The following SLC12A1 variants were observed in gnomAD, a reference collection of about 807,000 sequenced individuals.
SLC12A1 encodes Na-K-2Cl cotransporter.
A neutral mutation model predicts 130.4 loss-of-function variants in SLC12A1; 89 were observed. The observed-to-expected ratio is 0.68, with a 90% CI of 0.58 to 0.81. The LOEUF (loss-of-function observed/expected upper bound fraction) is 0.81, where lower values mean the gene tolerates loss of function less well. SLC12A1 is among the 40% of genes least tolerant of loss of function. The probability of loss-of-function intolerance (pLI) is 0.00; values close to 1 mark genes in which losing one functional copy is unlikely to be tolerated. For missense variants in SLC12A1, 1,310 were observed against 1,336.4 expected, an observed-to-expected ratio of 0.98 and a Z score of 0.31; for synonymous variants, 499 against 460.0, an observed-to-expected ratio of 1.08 and a Z score of -1.09.
intron 19 of SLC12A1, among the ~76,000 whole-genome samples, chr15:48,272,138 C>A (rs2041904672): frequency 6.6e-6 from 1 of 152,116 alleles, no homozygotes; most frequent in African/African-American, 2.4e-5. Flanking sequence ...AATAGATCTC[C>A]TTGGTAATAA....
At chr15:48,287,169 A>G (rs866200616) in intron 21 of SLC12A1, among the ~76,000 whole-genome samples, 3 of 152,298 alleles carry the variant, frequency 2.0e-5, no homozygotes, top group Non-Finnish European at 4.4e-5. Flanking sequence ...GAGAAATGCT[A>G]CGTACGCTGT....
intron 7 of SLC12A1, among the ~76,000 whole-genome samples, chr15:48,231,800 G>A (rs747519878): frequency 1.3e-5 from 2 of 152,112 alleles, no homozygotes; most frequent in African/African-American, 4.8e-5. Flanking sequence ...GGCAGATCAC[G>A]AGGTCAGGAG....
At chr15:48,244,158 G>T (rs1402566880) in intron 10 of SLC12A1, among the ~76,000 whole-genome samples, 1 of 152,166 alleles carries the variant, frequency 6.6e-6, no homozygotes, top group Non-Finnish European at 1.5e-5. Flanking sequence ...AGCTGAGATA[G>T]ATACCTGATC....
intron 8 of SLC12A1, 94 bp downstream of exon 8, chr15:48,232,932 C>A: frequency 1.4e-6 from 1 of 733,484 alleles, no homozygotes; most frequent in Non-Finnish European, 2.4e-6. Context: ...CTTCGGAATG[C>A]CTGGCTCCCC....
intron 4 of SLC12A1, chr15:48,225,945 G>T (rs1382765499): frequency 6.2e-6 from 6 of 971,156 alleles, no homozygotes; most frequent in Non-Finnish European, 7.3e-6. Context: ...TGTGTCAGAG[G>T]AGGTAATTAA....
intron 19 of SLC12A1, among the ~76,000 whole-genome samples, chr15:48,272,436 T>C (rs1199201797): frequency 6.6e-6 from 1 of 152,132 alleles, no homozygotes; most frequent in Non-Finnish European, 1.5e-5. Context: ...GTTTGTTTGT[T>C]TGTTTTTTAA....
At chr15:48,276,382 G>A (rs1164934856) in intron 20 of SLC12A1, among the ~76,000 whole-genome samples, 6 of 152,142 alleles carry the variant, frequency 3.9e-5, no homozygotes, top group African/African-American at 1.4e-4. Context: ...TAACCCCCAG[G>A]ACCTCGGAAT....
At chr15:48,241,295 G>C (rs2141049735) in intron 9 of SLC12A1, among the ~76,000 whole-genome samples, 1 of 152,288 alleles carries the variant, frequency 6.6e-6, no homozygotes, top group Middle Eastern at 3.4e-3. Context: ...GATCTCTTCT[G>C]TTCAGCTGAA....
In SLC12A1 at chr15:48,245,888, G is replaced by GGCCAAAGCCTTTGAGC. The variant is rs2041573859; in HGVS notation, c.1452+984_1452+985insGCCAAAGCCTTTGAGC. Reference sequence around the variant, plus strand: ...CTTCAGCTTAGACAAAGCCTTTGAGGTGGCCCTGGAAAGCCTAGAAGACAA... The same window carrying GGCCAAAGCCTTTGAGC: ...CTTCAGCTTAGACAAAGCCTTTGAGGGCCAAAGCCTTTGAGCTGGCCCTGGAAAGCCTAGAAGACAA... On this transcript the variant is annotated intron_variant, in intron 11 of 26. Transcript: ENST00000380993. Among the ~76,000 whole-genome samples the GGCCAAAGCCTTTGAGC allele has an allele frequency of 3.9e-5, 6 of 152,304 alleles. No individual in the cohort carries two copies. In the South Asian group the frequency reaches 1.2e-3, roughly 32 times the overall value.
rs1370205484 is a variant in SLC12A1 at position 48,255,894 on chromosome 15, C to T, written c.2026C>T (p.His676Tyr). ...NALELTTVED[H>Y]VKNFRPQCIV... ...TCTGGAATTAACCACAGTGGAAGAC[C>T]ACGTAAAAAACTTCAGGTAAAGCTG... Residue 676 changes from histidine to tyrosine, a missense_variant, in exon 16 of 27, where the codon CAC (histidine) becomes TAC (tyrosine). By Grantham distance (83) the His-to-Tyr change is moderately conservative. Transcript: ENST00000380993. The T allele has an allele frequency of 6.3e-7, 1 of 1,595,348 alleles. No individual in the cohort carries two copies. The highest frequency in any genetic ancestry group is 1.3e-5 in the African/African-American group (1 of 74,604).
In SLC12A1 at chr15:48,250,674, C is replaced by CACACACACACACA. The variant is rs1555383559; in HGVS notation, c.1787-941_1787-940insACACACACACACA. Among the ~76,000 whole-genome samples the CACACACACACACA allele has an allele frequency of 4.7e-3, 262 of 56,158 alleles. 3 individuals carry two copies. Among genetic ancestry groups the CACACACACACACA allele is most frequent in the South Asian group, 0.015 (25 of 1,688 alleles). The allele number at this position is 56,158 out of a possible 152,430, so 36.8% of individuals were successfully genotyped here. ...GATACACAAACCCAGAAAATGTCTGCCTCACACACACACACACACACACAC... is the reference window on the plus strand; with the variant it reads ...GATACACAAACCCAGAAAATGTCTGCACACACACACACACTCACACACACACACACACACACAC... On this transcript the variant is annotated intron_variant, in intron 14 of 26. Transcript: ENST00000380993.
intron 9 of SLC12A1, chr15:48,237,171 C>T: frequency 1.6e-6 from 1 of 621,340 alleles, no homozygotes; most frequent in East Asian, 2.8e-5. Context: ...ACACTCAATC[C>T]AGGTTTTGAG....
At chr15:48,241,724 C>A in intron 10 of SLC12A1, 125 bp downstream of exon 10, 1 of 707,116 alleles carries the variant, frequency 1.4e-6, no homozygotes. Flanking sequence ...TAATTCCGTT[C>A]TTGGTACCTT....
At position 48,269,085 on chromosome 15, in the gene SLC12A1, A is replaced by C. The variant is rs34567396; in HGVS notation, c.2296-573A>C. On this transcript the variant is annotated intron_variant, in intron 18 of 26. Transcript: ENST00000380993. ...AATATTGTTGAATTAAATTTGATTAACTGGAAGCTGTATGCTGTCATCTAA... is the reference window on the plus strand; with the variant it reads ...AATATTGTTGAATTAAATTTGATTACCTGGAAGCTGTATGCTGTCATCTAA... 4.8e-3 allele frequency among the ~76,000 whole-genome samples: 734 copies of C among 152,310 alleles called. 8 individuals carry two copies. The highest frequency in any genetic ancestry group is 0.044 in the Middle Eastern group (13 of 294).
At position 48,230,525 on chromosome 15, in the gene SLC12A1, T is replaced by C. The variant is rs2041361942; in HGVS notation, c.975+22T>C. The C allele has an allele frequency of 2.1e-6, 3 of 1,452,570 alleles. 1 individual carries two copies. The East Asian group carries it at 6.9e-5, about 33-fold the overall frequency. 90.0% of individuals were successfully genotyped at this position (1,452,570 alleles called of 1,614,324 possible). ...AAAGGTAAATTTCTCAAAAATGATA[T>C]TATCAACAGTGGCTGGTCAGGTCCT... On this transcript the variant is annotated intron_variant, in intron 7 of 26. Transcript: ENST00000380993.
chr15:48,210,694 A>C (rs1597394252), intron 2 of SLC12A1, among the ~76,000 whole-genome samples: 1 of 540 alleles, frequency 1.9e-3, no homozygotes, highest in Admixed American at 0.1. Context: ...TTCTCTACTT[A>C]AAAAAAAAAA....
rs1470960020 is a variant in SLC12A1, at chr15:48,288,098, G to A, written c.2685G>A (p.Leu895=). ...ATGTGGGAGAGTTCAACCAGAAACT[G>A]GTGGAAGCCAGCACTCAATTTAAAA... ...SMHVGEFNQK[L]VEASTQFKKK... The change falls in exon 22 of 27, where the codon CTG becomes CTA. Residue 895 remains leucine, a synonymous_variant. Transcript: ENST00000380993. The A allele has an allele frequency of 6.2e-7, 1 of 1,611,088 alleles. No individual in the cohort carries two copies.
At position 48,246,985 on chromosome 15, in the gene SLC12A1, C is replaced by G. The variant is rs750534132; in HGVS notation, c.1529C>G (p.Ala510Gly). ...TCTGCAACACTCTCCTCCGCCCTGGCCTCCCTTGTCAGCGCACCCAAAGTG... is the reference window on the plus strand; with the variant it reads ...TCTGCAACACTCTCCTCCGCCCTGGGCTCCCTTGTCAGCGCACCCAAAGTG... ...IFSATLSSAL[A>G]SLVSAPKVFQ... Residue 510 changes from alanine (A) to glycine (G), a missense_variant, in exon 12 of 27, where the codon GCC (alanine) becomes GGC (glycine). Physicochemically the swap from Ala to Gly is moderately conservative, Grantham distance 60 (BLOSUM62 0). Transcript: ENST00000380993. The G allele has an allele frequency of 1.9e-6, 3 of 1,613,944 alleles. No individual in the cohort carries two copies. Among genetic ancestry groups the G allele is most frequent in the Non-Finnish European group, 2.5e-6 (3 of 1,179,834 alleles).
chr15:48,249,831 A>T (rs1042859735), intron 14 of SLC12A1, among the ~76,000 whole-genome samples, 155 bp downstream of exon 14: 1 of 152,176 alleles, frequency 6.6e-6, no homozygotes, highest in Non-Finnish European at 1.5e-5. Context: ...GAGTTTGGGG[A>T]TGAGTTTTGA....
Sources: gnomAD v4.1 joint callset for allele counts (sites outside exome capture counted in the v4.1 genomes callset) on GRCh38, gnomAD v4.1.1 for gene constraint, MANE v1.5 for transcripts, NCBI Gene and HGNC (gene_info 2026-07-23, HGNC 2026-07-21) for gene names.